Variants in RANBP2 observed in about 807,000 individuals in gnomAD.
RANBP2 encodes the protein E3 SUMO-protein ligase RanBP2.
Under a neutral mutation model 303.6 loss-of-function variants are expected in RANBP2, and 57 were observed. The observed-to-expected ratio is 0.19, with a 90% confidence interval of 0.15 to 0.23. The LOEUF is 0.23. RANBP2 is among the 10% of genes least tolerant of loss of function. The pLI is 1.00. For synonymous variants in RANBP2, 1,167 were observed against 1,301.5 expected, an observed-to-expected ratio of 0.90 and a Z score of 2.23; for missense variants, 3,138 against 3,780.8, an observed-to-expected ratio of 0.83 and a Z score of 4.46.
chr2:108,720,528 T>G (rs980740084), intron 1 of RANBP2, among the ~76,000 whole-genome samples: 11 of 152,182 alleles, frequency 7.2e-5, no homozygotes, highest in Non-Finnish European at 1.6e-4. Context: ...GAAGAAGCTA[T>G]TAAAGGTGGA....
chr2:109,620,428 G>T, the RANBP2 span, among the ~76,000 whole-genome samples: 1 of 152,144 alleles, frequency 6.6e-6, no homozygotes, highest in East Asian at 1.9e-4. Context: ...TTTGCTGGGC[G>T]TGGTGGCTCA....
At chr2:109,038,617 T>C in the RANBP2 span, among the ~76,000 whole-genome samples, 1 of 152,280 alleles carries the variant, frequency 6.6e-6, no homozygotes, top group Non-Finnish European at 1.5e-5. Context: ...AAAGAAAATG[T>C]TTGCAAACCA....
At chr2:108,977,961 G>A in the RANBP2 span, among the ~76,000 whole-genome samples, 1 of 152,210 alleles carries the variant, frequency 6.6e-6, no homozygotes, top group South Asian at 2.1e-4. Flanking sequence ...CTCTGTGGAT[G>A]CAGATGAAAC....
chr2:109,218,598 C>T, the RANBP2 span, among the ~76,000 whole-genome samples: 182 of 152,288 alleles, frequency 1.2e-3, no homozygotes, highest in Non-Finnish European at 2.2e-3. Context: ...AGCCTCATCA[C>T]CTCTCCTCTC....
At chr2:109,348,008 C>T in the RANBP2 span, 1 of 1,532,592 alleles carries the variant, frequency 6.5e-7, no homozygotes. Context: ...CCACCCAGGG[C>T]TCTTCCCAGC....
chr2:109,565,612 C>G, the RANBP2 span: 1 of 663,472 alleles, frequency 1.5e-6, no homozygotes, highest in Admixed American at 2.4e-5. Context: ...AGGCTCTACA[C>G]GGCCTCCAGA....
At chr2:109,733,676 C>T in the RANBP2 span, among the ~76,000 whole-genome samples, 26 of 152,008 alleles carry the variant, frequency 1.7e-4, no homozygotes, top group African/African-American at 5.8e-4. Flanking sequence ...AACATAGTGA[C>T]ACCTTGTCTC....
the RANBP2 span, among the ~76,000 whole-genome samples, chr2:108,927,381 C>T: frequency 6.6e-6 from 1 of 152,216 alleles, no homozygotes; most frequent in African/African-American, 2.4e-5. Context: ...AGATGGCTGT[C>T]CACATTCGCC....
the RANBP2 span, among the ~76,000 whole-genome samples, chr2:109,115,545 C>T: frequency 7.8e-4 from 119 of 152,314 alleles, no homozygotes; most frequent in African/African-American, 2.8e-3. Flanking sequence ...AGATAGGTTT[C>T]CTGAATACAG....
chr2:108,934,930 T>A, the RANBP2 span, among the ~76,000 whole-genome samples: 1 of 152,214 alleles, frequency 6.6e-6, no homozygotes, highest in African/African-American at 2.4e-5. Context: ...GCTTAACTTG[T>A]GGAACTAACC....
the RANBP2 span, among the ~76,000 whole-genome samples, chr2:109,422,800 C>T: frequency 4.3e-4 from 66 of 152,294 alleles, no homozygotes; most frequent in African/African-American, 1.4e-3. Context: ...TCCACTTCTT[C>T]GTGGGCATCT....
At chr2:109,471,710 C>G in the RANBP2 span, among the ~76,000 whole-genome samples, 1 of 152,210 alleles carries the variant, frequency 6.6e-6, no homozygotes, top group African/African-American at 2.4e-5. Flanking sequence ...TTTCCACTCA[C>G]CCCCTTGCTG....
chr2:109,593,030 CT>C, the RANBP2 span: 4 of 1,507,632 alleles, frequency 2.7e-6, no homozygotes, highest in Non-Finnish European at 3.6e-6. Flanking sequence ...AATATGGTAT[CT>C]ATTTAAAAGA....
At chr2:109,196,994 TC>T in the RANBP2 span, among the ~76,000 whole-genome samples, 2 of 152,300 alleles carry the variant, frequency 1.3e-5, no homozygotes, top group South Asian at 4.1e-4. Flanking sequence ...TAGTTTGATT[TC>T]CCTTAGCCCT....
chr2:109,121,587 T>G, the RANBP2 span, among the ~76,000 whole-genome samples: 6 of 152,222 alleles, frequency 3.9e-5, no homozygotes, highest in Non-Finnish European at 5.9e-5. Context: ...AACCTGCAGA[T>G]GGAGAGTGTT....
the RANBP2 span, among the ~76,000 whole-genome samples, chr2:109,053,945 T>C: frequency 6.6e-6 from 1 of 152,142 alleles, no homozygotes; most frequent in Non-Finnish European, 1.5e-5. Context: ...GCATTGTCTT[T>C]CCAGGCTCTG....
chr2:108,752,429 A>T (rs565394521), intron 12 of RANBP2, among the ~76,000 whole-genome samples: 1 of 151,974 alleles, frequency 6.6e-6, no homozygotes, highest in East Asian at 1.9e-4. Context: ...AACTGTTAAA[A>T]AGTAGTTTGG....
Position 108,768,515 on chromosome 2 carries a change from T to C in RANBP2, c.7849+127T>C, listed in dbSNP as rs1354377556. The C allele has an allele frequency of 3.9e-6, 6 of 1,551,858 alleles. No homozygotes were observed. In the African/African-American group the frequency reaches 5.5e-5, roughly 14 times the overall value. ...GCTTTGTGAACACCCCCAAAATATT[T>C]GAGCAATTTTTTTTCTCCCTTAATA... is the stretch of plus-strand genomic sequence containing the variant. On this transcript the variant is annotated intron_variant, in intron 20 of 28. Coordinates refer to ENST00000283195, the MANE Select transcript of RANBP2 (RefSeq NM_006267.5).
the RANBP2 span, chr2:108,804,758 G>T: frequency 1.4e-6 from 1 of 719,954 alleles, no homozygotes; most frequent in Non-Finnish European, 2.1e-6. Flanking sequence ...CTAGTCACTT[G>T]TGCTTGCATA....
Sources: gnomAD v4.1 joint callset for allele counts (sites outside exome capture counted in the v4.1 genomes callset) on GRCh38, gnomAD v4.1.1 for gene constraint, MANE v1.5 for transcripts, NCBI Gene and HGNC (gene_info 2026-07-23, HGNC 2026-07-21) for gene names.